C8orf88: variants seen among roughly 807,000 people sequenced by gnomAD.
The protein encoded by C8orf88 is uncharacterized protein C8orf88.
In C8orf88, 14 loss-of-function variants were observed where a neutral mutation model predicts 18.4. The observed-to-expected ratio is 0.76, with a 90% CI of 0.50 to 1.19. The LOEUF is 1.19. Among genes scored for constraint, C8orf88 ranks in the 50% most tolerant of loss-of-function variants. The pLI is 0.00. For synonymous variants in C8orf88, 45 were observed against 42.9 expected (o/e 1.05, Z -0.19); for missense variants, 116 against 134.7 (o/e 0.86, Z 0.69).
chr8:90,967,121 T>C (rs1485335077), intron 4 of C8orf88, among the ~76,000 whole-genome samples: 1 of 151,872 alleles, frequency 6.6e-6, no homozygotes, highest in Non-Finnish European at 1.5e-5. Flanking sequence ...GGCACCCTTA[T>C]CTTGTTCTTG....
At chr8:90,979,408 C>T (rs1200956232) in intron 2 of C8orf88, among the ~76,000 whole-genome samples, 1 of 152,160 alleles carries the variant, frequency 6.6e-6, no homozygotes, top group East Asian at 1.9e-4. Context: ...TTCCACTGCA[C>T]CAGAAGTATA....
At chr8:90,974,267 G>T (rs541907857) in intron 3 of C8orf88, among the ~76,000 whole-genome samples, 1 of 152,154 alleles carries the variant, frequency 6.6e-6, no homozygotes, top group African/African-American at 2.4e-5. Flanking sequence ...GATATTAAGA[G>T]ACTGGCAACT....
chr8:90,974,589 T>C (rs971045732), intron 3 of C8orf88, among the ~76,000 whole-genome samples: 2 of 152,188 alleles, frequency 1.3e-5, no homozygotes, highest in Non-Finnish European at 2.9e-5. Flanking sequence ...TAAGCTATTG[T>C]TTTAAGCCAA....
At chr8:90,972,088 T>C (rs1811291642) in intron 3 of C8orf88, among the ~76,000 whole-genome samples, 2 of 152,058 alleles carry the variant, frequency 1.3e-5, no homozygotes, top group Non-Finnish European at 2.9e-5. Flanking sequence ...GAGACATCTA[T>C]CCTTAAAAAT....
intron 4 of C8orf88, among the ~76,000 whole-genome samples, chr8:90,962,679 C>A (rs955177530): frequency 6.6e-6 from 1 of 151,518 alleles, no homozygotes; most frequent in Non-Finnish European, 1.5e-5. Flanking sequence ...ACTTTATTCT[C>A]AAAAAATTAT....
chr8:90,982,619 T>C (rs1043062208), intron 1 of C8orf88, among the ~76,000 whole-genome samples: 10 of 152,078 alleles, frequency 6.6e-5, no homozygotes, highest in Admixed American at 2.0e-4. Context: ...GCAACACAAG[T>C]AAATAAACAA....
Position 90,958,896 on chromosome 8 carries a change from C to T in C8orf88, c.*111G>A. ...CTCATTTTTAGAGAAGTCAAATAGC[C>T]AACCATCAAAATTAAGAATAAATTG... On this transcript the variant is annotated 3_prime_UTR_variant, in exon 6 of 6. Coordinates refer to ENST00000517562, the MANE Select transcript of C8orf88 (RefSeq NM_001190972.2). 1.6e-6 allele frequency: 1 copy of T among 633,542 alleles called. No individual in the cohort carries two copies. The highest frequency in any genetic ancestry group is 2.0e-5 in the African/African-American group (1 of 50,826). 39.2% of individuals were successfully genotyped at this position (633,542 alleles called of 1,614,324 possible).
intron 4 of C8orf88, among the ~76,000 whole-genome samples, chr8:90,964,917 T>C (rs917004347): frequency 6.6e-6 from 1 of 151,438 alleles, no homozygotes; most frequent in African/African-American, 2.4e-5. Context: ...AAAAATAGTA[T>C]ACTAGAAAAT....
At chr8:90,974,506 A>G (rs1811321314) in intron 3 of C8orf88, among the ~76,000 whole-genome samples, 1 of 152,182 alleles carries the variant, frequency 6.6e-6, no homozygotes, top group Admixed American at 6.5e-5. Context: ...TCTGACTGCA[A>G]CTACATGACT....
chr8:90,967,298 T>A (rs982043168), intron 4 of C8orf88, among the ~76,000 whole-genome samples: 7 of 151,896 alleles, frequency 4.6e-5, no homozygotes, highest in Non-Finnish European at 7.4e-5. Context: ...CTTTTTACTA[T>A]GTTGATAATA....
At chr8:90,980,318 C>A in intron 2 of C8orf88, 45 bp downstream of exon 2, 1 of 1,190,066 alleles carries the variant, frequency 8.4e-7, no homozygotes, top group South Asian at 1.6e-5. Flanking sequence ...ACTAATTAGT[C>A]ATTAACACAT....
chr8:90,959,037 T>C lies in C8orf88; in HGVS notation c.331-7A>G, dbSNP rs918825841. The C allele has an allele frequency of 3.0e-6, 4 of 1,313,140 alleles. No individual in the cohort carries two copies. The highest frequency in any genetic ancestry group is 2.0e-4 in the Middle Eastern group (1 of 4,984). The allele number at this position is 1,313,140 out of a possible 1,614,324, so 81.3% of individuals were successfully genotyped here. On this transcript the variant is annotated splice_region_variant and splice_polypyrimidine_tract_variant and intron_variant, in intron 5 of 5. Transcript: ENST00000517562. The stretch of plus-strand genomic sequence containing the variant: ...TAAAACTTTGGTTGTTTTCCTGTAA[T>C]ATAAAAGAAAAAGTTAATTTATCAA...
At chr8:90,967,966 A>G (rs1261131797) in intron 4 of C8orf88, among the ~76,000 whole-genome samples, 13 of 151,808 alleles carry the variant, frequency 8.6e-5, no homozygotes, top group African/African-American at 3.1e-4. Flanking sequence ...GGATTGTCAG[A>G]TTTAATATTG....
At chr8:90,973,180 T>A (rs140571266) in intron 3 of C8orf88, among the ~76,000 whole-genome samples, 1 of 152,160 alleles carries the variant, frequency 6.6e-6, no homozygotes, top group Non-Finnish European at 1.5e-5. Flanking sequence ...AAGGACTGAG[T>A]CAGGGTATCG....
chr8:90,961,141 T>G (rs1004529579), intron 4 of C8orf88, among the ~76,000 whole-genome samples: 2 of 151,436 alleles, frequency 1.3e-5, no homozygotes. Flanking sequence ...AATGATCTTG[T>G]GTAAAATATA....
rs1202935207 is a variant in C8orf88 at position 90,985,206 on chromosome 8, G to C, written c.-119C>G. The C allele has an allele frequency of 6.7e-6, 1 of 149,622 alleles. No individual in the cohort carries two copies. Among genetic ancestry groups the C allele is most frequent in the African/African-American group, 2.5e-5 (1 of 40,714 alleles). 9.3% of individuals were successfully genotyped at this position (149,622 alleles called of 1,614,324 possible). On this transcript the variant is annotated 5_prime_UTR_variant, in exon 1 of 6. Coordinates refer to ENST00000517562, the MANE Select transcript of C8orf88 (RefSeq NM_001190972.2). ...GCGCCCTGCTGCCCGTCGGGGAACG[G>C]CTCCTGCCGCTGGTCCGCTGGCTGA...
chr8:90,968,657 C>CATAT (rs34558575), intron 4 of C8orf88, among the ~76,000 whole-genome samples: 1,608 of 72,770 alleles, frequency 0.022, 157 homozygotes, highest in Admixed American at 0.026. Flanking sequence ...GAAAAGACAA[C>CATAT]ATATATATAT....
At chr8:90,984,955 G>A (rs976711712) in intron 1 of C8orf88, among the ~76,000 whole-genome samples, 159 bp downstream of exon 1, 3 of 152,100 alleles carry the variant, frequency 2.0e-5, no homozygotes, top group Non-Finnish European at 4.4e-5. Context: ...ACAGGGTACT[G>A]AAGGGGCCCT....
intron 2 of C8orf88, among the ~76,000 whole-genome samples, chr8:90,978,992 G>T (rs1811393004): frequency 6.6e-6 from 1 of 152,108 alleles, no homozygotes; most frequent in African/African-American, 2.4e-5. Flanking sequence ...GTATCACATA[G>T]GTTTCACAAC....
Sources: allele counts gnomAD v4.1 joint callset (sites outside exome capture counted in the v4.1 genomes callset), GRCh38; gene constraint gnomAD v4.1.1; transcripts MANE v1.5; gene names NCBI Gene and HGNC (gene_info 2026-07-23, HGNC 2026-07-21).